The following SIRT6 variants were observed in gnomAD, a reference collection of about 807,000 sequenced individuals.
The protein encoded by SIRT6 is sirtuin 6, also known as NAD-dependent protein deacylase sirtuin-6.
A neutral mutation model predicts 33.6 loss-of-function variants in SIRT6; 21 were observed. The observed-to-expected ratio is 0.62, with a 90% CI of 0.44 to 0.90. SIRT6 has a LOEUF of 0.90. Ranked by LOEUF, SIRT6 falls within the 40% of genes least tolerant of loss-of-function variation. SIRT6 has a pLI of 0.00. For missense variants in SIRT6, 504 were observed against 510.6 expected (o/e 0.99, Z 0.12); for synonymous variants, 221 against 223.9 (o/e 0.99, Z 0.12).
Position 4,174,713 on chromosome 19 carries a change from G to C in SIRT6, c.972C>G (p.Asn324Lys). ...GTTTGGGGCTGGCGGGCTCTGAGCC[G>C]TTGTGCTGGGCGCAGGGCTCCTGCT... ...GPKQEPCAQHNGSEPASPKRE... is the reference protein window; with the variant it reads ...GPKQEPCAQHKGSEPASPKRE... Residue 324 changes from asparagine (N) to lysine (K), a missense_variant, in exon 8 of 8, where the codon AAC (asparagine) becomes AAG (lysine). By Grantham distance (94) the Asn-to-Lys change is moderately conservative. Transcript: ENST00000337491. This position sits in a 1 kb window ranked among gnomAD's most constrained non-coding sequence, Gnocchi z 4.2. 1 of 1,472,444 alleles carries C rather than the reference G, an allele frequency of 6.8e-7. No homozygotes were observed. The highest frequency in any genetic ancestry group is 1.4e-5 in the African/African-American group (1 of 70,740). The allele number at this position is 1,472,444 out of a possible 1,614,324, so 91.2% of individuals were successfully genotyped here.
intron 3 of SIRT6, among the ~76,000 whole-genome samples, chr19:4,178,120 G>A (rs552023443): frequency 6.6e-6 from 1 of 151,280 alleles, no homozygotes; most frequent in Admixed American, 6.6e-5. Flanking sequence ...TCTGCCTCCC[G>A]GGTTCAAGCG....
intron 2 of SIRT6, among the ~76,000 whole-genome samples, chr19:4,180,397 G>T (rs117914225): frequency 0.021 from 3,133 of 151,250 alleles, 145 homozygotes; most frequent in East Asian, 0.19. Flanking sequence ...TTTTTGTTTT[G>T]TTTTTAGACG....
chr19:4,180,448 A>G (rs1967559687), intron 2 of SIRT6, among the ~76,000 whole-genome samples: 1 of 151,812 alleles, frequency 6.6e-6, no homozygotes, highest in South Asian at 2.1e-4. Context: ...CAGTGGTGCA[A>G]TCTCGGCTCA....
chr19:4,178,953 G>A, intron 3 of SIRT6, 151 bp downstream of exon 3: 3 of 1,035,246 alleles, frequency 2.9e-6, no homozygotes, highest in Non-Finnish European at 4.1e-6. Context: ...GGACAGCTCT[G>A]AGCCATGGGA....
chr19:4,176,050 G>A, intron 4 of SIRT6, 113 bp from the exon 5 acceptor site: 1 of 828,036 alleles, frequency 1.2e-6, no homozygotes, highest in East Asian at 2.7e-5. Context: ...CAGGTGACCA[G>A]AACTAGCACC....
rs374941369 is a variant in SIRT6 at position 4,174,963 on chromosome 19, C to T, written c.739-17G>A. 1.8e-5 allele frequency: 29 copies of T among 1,609,360 alleles called. No homozygotes were observed. The highest frequency in any genetic ancestry group is 1.6e-4 in the Middle Eastern group (1 of 6,072). On this transcript the variant is annotated splice_polypyrimidine_tract_variant and intron_variant, in intron 7 of 7. Coordinates refer to ENST00000337491, the MANE Select transcript of SIRT6 (RefSeq NM_016539.4). This position sits in a 1 kb window ranked among gnomAD's most constrained non-coding sequence, Gnocchi z 4.2. ...ATGGCGGTCCTGCCGAGGGGCGGGA[C>T]GGGTCAGGCGTGGGGGACAGAGGGT...
chr19:4,180,589 C>T, intron 2 of SIRT6, 193 bp downstream of exon 2: 1 of 581,918 alleles, frequency 1.7e-6, no homozygotes, highest in Non-Finnish European at 2.7e-6. Context: ...CCATATTGGC[C>T]AGGCTGGTCT....
intron 2 of SIRT6, among the ~76,000 whole-genome samples, chr19:4,180,452 C>T (rs975814409): frequency 1.3e-5 from 2 of 152,108 alleles, no homozygotes; most frequent in Admixed American, 6.6e-5. Context: ...GGTGCAATCT[C>T]GGCTCACTGC....
At chr19:4,182,305 C>T (rs1967742631) in intron 1 of SIRT6, 169 bp downstream of exon 1, 11 of 640,910 alleles carry the variant, frequency 1.7e-5, no homozygotes, top group Non-Finnish European at 2.9e-5. Context: ...GGCGTGTTGG[C>T]GTCCCCCGGC....
chr19:4,177,217 C>T (rs1967360589), intron 3 of SIRT6, 79 bp from the exon 4 acceptor site: 1 of 1,430,944 alleles, frequency 7.0e-7, no homozygotes, highest in Non-Finnish European at 9.8e-7. Flanking sequence ...TGCTAAGCCC[C>T]TCTCCTCCAG....
In SIRT6 at chr19:4,175,182, T is replaced by C. The variant is rs1967218704; in HGVS notation, c.615-31A>G. On this transcript the variant is annotated intron_variant, in intron 6 of 7. Coordinates refer to ENST00000337491, the MANE Select transcript of SIRT6 (RefSeq NM_016539.4). The stretch of plus-strand genomic sequence containing the variant: ...GCCGGGGAGCGTGGGCTGAGCCTGA[T>C]GCCCTGCTCCTGCCAACATCCCGAG... 3.2e-6 allele frequency: 5 copies of C among 1,580,196 alleles called. No homozygotes were observed. The South Asian group carries it at 3.4e-5, about 11-fold the overall frequency.
At chr19:4,179,595 A>T (rs977706917) in intron 2 of SIRT6, 2 of 446,420 alleles carry the variant, frequency 4.5e-6, no homozygotes, top group Non-Finnish European at 8.0e-6. Flanking sequence ...ACGAAGGCAA[A>T]AATGACTTAT....
chr19:4,175,991 T>C (rs1196136889), intron 4 of SIRT6, 54 bp from the exon 5 acceptor site: 1 of 1,481,266 alleles, frequency 6.8e-7, no homozygotes, highest in Non-Finnish European at 9.2e-7. Context: ...CATGGGTGAC[T>C]CTCGCACTGT....
In SIRT6 at chr19:4,182,508, G is replaced by A. The variant is rs1173618166; in HGVS notation, c.32C>T (p.Pro11Leu). MSVNYAAGLSPYADKGKCGLP... is the reference protein window; with the variant it reads MSVNYAAGLSLYADKGKCGLP... ...GCCGCACTTGCCCTTGTCCGCGTAC[G>A]GCGACAGCCCCGCCGCGTAATTCAC... is the stretch of plus-strand genomic sequence containing the variant. The change falls in exon 1 of 8, where the codon CCG becomes CTG. Residue 11 changes from proline to leucine, a missense_variant. Physicochemically the swap from Pro to Leu is moderately conservative, Grantham distance 98. Coordinates refer to ENST00000337491, the MANE Select transcript of SIRT6 (RefSeq NM_016539.4). 1.2e-6 allele frequency: 2 copies of A among 1,611,448 alleles called. No homozygotes were observed. The highest frequency in any genetic ancestry group is 2.2e-5 in the East Asian group (1 of 44,556).
intron 1 of SIRT6, 30 bp from the exon 2 acceptor site, chr19:4,180,939 C>A: frequency 1.3e-6 from 2 of 1,576,116 alleles, no homozygotes; most frequent in Non-Finnish European, 8.6e-7. Context: ...ACGGAGGGGT[C>A]AAAACAGTTC....
Position 4,178,036 on chromosome 19 carries a change from T to C in SIRT6, c.378-898A>G, listed in dbSNP as rs576530847. On this transcript the variant is annotated intron_variant, in intron 3 of 7. Transcript: ENST00000337491. ...CCACACCTGACCCTCCTTTGCTTTTTTTTTTTTCAAGACAGAGTCTTGCTC... is the reference window on the plus strand; with the variant it reads ...CCACACCTGACCCTCCTTTGCTTTTCTTTTTTTCAAGACAGAGTCTTGCTC... Among the ~76,000 whole-genome samples the C allele has an allele frequency of 3.6e-4, 55 of 151,518 alleles. 1 individual carries two copies. The South Asian group carries it at 0.011, about 30-fold the overall frequency.
At chr19:4,180,738 A>G in intron 2 of SIRT6, 44 bp downstream of exon 2, 1 of 1,562,442 alleles carries the variant, frequency 6.4e-7, no homozygotes, top group Non-Finnish European at 8.7e-7. Context: ...AGCCTCTGGC[A>G]GCCTGGTAGG....
Position 4,174,914 on chromosome 19 carries a change from G to C in SIRT6, c.771C>G (p.Tyr257Ter). Residue 257 changes from tyrosine to a stop codon, truncating the protein, a stop_gained, in exon 8 of 8, where the codon TAC becomes TAG. Transcript: ENST00000337491. LOFTEE classifies it low-confidence loss of function (END_TRUNC). This position sits in a 1 kb window ranked among gnomAD's most constrained non-coding sequence, Gnocchi z 4.2. ...DRHADLRIHGYVDEVMTRLMK... is the reference protein window; with the variant it reads ...DRHADLRIHG ...TGAGCCGGGTCATGACCTCGTCAAC[G>C]TAGCCATGGATGCGGAGGTCAGCAT... The C allele has an allele frequency of 6.2e-7, 1 of 1,605,552 alleles. No individual in the cohort carries two copies. The highest frequency in any genetic ancestry group is 8.5e-7 in the Non-Finnish European group (1 of 1,179,742).
At chr19:4,176,069 C>G (rs945818052) in intron 4 of SIRT6, 132 bp from the exon 5 acceptor site, 1 of 687,208 alleles carries the variant, frequency 1.5e-6, no homozygotes, top group Non-Finnish European at 2.5e-6. Context: ...CCCAGCGACA[C>G]GGAACGAGTA....
Sources: allele counts gnomAD v4.1 joint callset (sites outside exome capture counted in the v4.1 genomes callset), GRCh38; gene constraint gnomAD v4.1.1; non-coding constraint Gnocchi (gnomAD v3.1); transcripts MANE v1.5; gene names NCBI Gene and HGNC (gene_info 2026-07-23, HGNC 2026-07-21).